RAP1GAP: variants seen among roughly 807,000 people sequenced by gnomAD.
RAP1GAP encodes rap1 GTPase-activating protein 1.
A neutral mutation model predicts 87.2 loss-of-function variants in RAP1GAP; 35 were observed. The observed-to-expected ratio is 0.40, with a 90% CI of 0.31 to 0.53. The LOEUF is 0.53. Ranked by LOEUF, RAP1GAP falls within the 20% of genes least tolerant of loss-of-function variation. The pLI, the probability that RAP1GAP is intolerant of heterozygous loss-of-function variation, is 0.48. For missense variants in RAP1GAP, 734 were observed against 898.9 expected, an observed-to-expected ratio of 0.82 and a Z score of 2.35; for synonymous variants, 375 against 363.9, an observed-to-expected ratio of 1.03 and a Z score of -0.35.
chr1:21,628,770 C>T (rs941557372), intron 2 of RAP1GAP, among the ~76,000 whole-genome samples: 2 of 152,024 alleles, frequency 1.3e-5, no homozygotes, highest in Admixed American at 1.3e-4. Context: ...CACCTATAAC[C>T]CCAGCTACTT....
intron 2 of RAP1GAP, among the ~76,000 whole-genome samples, chr1:21,646,910 G>A (rs577570972): frequency 6.6e-6 from 1 of 152,276 alleles, no homozygotes; most frequent in African/African-American, 2.4e-5. Context: ...GATGTGTAGG[G>A]GAACTCAGCC....
chr1:21,628,844 C>T (rs1245632664), intron 2 of RAP1GAP, among the ~76,000 whole-genome samples: 1 of 150,958 alleles, frequency 6.6e-6, no homozygotes, highest in African/African-American at 2.4e-5. Flanking sequence ...GCTGAGATCA[C>T]ACCACTGCAC....
At position 21,617,207 on chromosome 1, in the gene RAP1GAP, GCCCTGGCCCATGGGTTCTGCTCCCTC is replaced by G. The variant is rs889179660; in HGVS notation, c.291+73_291+98del. ...CTCAGGGCTCTAGGACTGTCACCCAGCCCTGGCCCATGGGTTCTGCTCCCTCCCAGGCCCACCTCGAATGGGGCTGA... is the reference window on the plus strand; with the variant it reads ...CTCAGGGCTCTAGGACTGTCACCCAGCCAGGCCCACCTCGAATGGGGCTGA... On this transcript the variant is annotated intron_variant, in intron 7 of 24. Coordinates refer to ENST00000374765, the MANE Select transcript of RAP1GAP (RefSeq NM_002885.4). 3 of 1,367,658 alleles carry G rather than the reference GCCCTGGCCCATGGGTTCTGCTCCCTC, an allele frequency of 2.2e-6. No homozygotes were observed. In the African/African-American group the frequency reaches 4.3e-5, roughly 20 times the overall value. 84.7% of individuals were successfully genotyped at this position (1,367,658 alleles called of 1,614,324 possible). A position where few individuals can be genotyped will look rare whatever the true frequency, so the allele number is the denominator to read the frequency against.
rs531368994 is a variant in RAP1GAP at position 21,658,864 on chromosome 1, T to G, written c.-148-9068A>C. On this transcript the variant is annotated intron_variant, in intron 1 of 24. Coordinates refer to ENST00000374765, the MANE Select transcript of RAP1GAP (RefSeq NM_002885.4). ...GGGCCTTTTTCATCTCTTATGCCAG[T>G]ATATAGTTGGTTTTTGAAGTCAGGT... Among the ~76,000 whole-genome samples the G allele has an allele frequency of 2.0e-5, 3 of 151,372 alleles. No homozygotes were observed. In the South Asian group the frequency reaches 6.3e-4, roughly 32 times the overall value.
chr1:21,613,533 C>T lies in RAP1GAP; in HGVS notation c.474+95G>A. 2 of 1,209,046 alleles carry T rather than the reference C, an allele frequency of 1.7e-6. No individual in the cohort carries two copies. The highest frequency in any genetic ancestry group is 2.5e-6 in the Non-Finnish European group (2 of 816,258). 74.9% of individuals were successfully genotyped at this position (1,209,046 alleles called of 1,614,324 possible). ...TAGGGCGGCAGGCCAGGGCTAGGGC[C>T]TACAGCTGAAGGGGACGCGCCAAGG... On this transcript the variant is annotated intron_variant, in intron 9 of 24. Transcript: ENST00000374765. This position sits in a 1 kb window ranked among gnomAD's most constrained non-coding sequence, Gnocchi z 4.7.
chr1:21,666,064 G>A lies in RAP1GAP; in HGVS notation c.-149+3190C>T, dbSNP rs558464164. Reference sequence around the variant, plus strand: ...AAGAGGCAGGGCCAGGCTTGGACAGGGAATCAGCACTCTGGCAGGCTTGGT... The same window carrying A: ...AAGAGGCAGGGCCAGGCTTGGACAGAGAATCAGCACTCTGGCAGGCTTGGT... On this transcript the variant is annotated intron_variant, in intron 1 of 24. Coordinates refer to ENST00000374765, the MANE Select transcript of RAP1GAP (RefSeq NM_002885.4). Among the ~76,000 whole-genome samples, 29 of 152,356 alleles carry A rather than the reference G, an allele frequency of 1.9e-4. No individual in the cohort carries two copies. The South Asian group carries it at 2.3e-3, about 12-fold the overall frequency.
rs775082306 is a variant in RAP1GAP at position 21,620,009 on chromosome 1, C to A, written c.18+6G>T. 1.2e-6 allele frequency: 2 copies of A among 1,613,972 alleles called. No individual in the cohort carries two copies. Among genetic ancestry groups the A allele is most frequent in the South Asian group, 1.1e-5 (1 of 91,082 alleles). On this transcript the variant is annotated splice_donor_region_variant and intron_variant, in intron 4 of 24. Transcript: ENST00000374765. The stretch of plus-strand genomic sequence containing the variant: ...TCCCCAGAACAGGCCACAGAGCCAT[C>A]CTCACCTGCATCTTCTCAATCATCT...
At chr1:21,664,024 A>T (rs985114431) in intron 1 of RAP1GAP, among the ~76,000 whole-genome samples, 21 of 152,192 alleles carry the variant, frequency 1.4e-4, no homozygotes, top group Non-Finnish European at 5.9e-5. Flanking sequence ...ACATCCTCCC[A>T]TTCCACAGAT....
At chr1:21,654,860 G>T (rs998205550) in intron 1 of RAP1GAP, among the ~76,000 whole-genome samples, 2 of 136,042 alleles carry the variant, frequency 1.5e-5, no homozygotes, top group African/African-American at 5.6e-5. Context: ...AAAAAGAAAG[G>T]CTAGGCACGG....
In RAP1GAP at chr1:21,660,349, T is replaced by TATATATATATATATATATGTA. The variant is rs1257256841; in HGVS notation, c.-149+8904_-149+8905insTACATATATATATATATATAT. 1.6e-4 allele frequency among the ~76,000 whole-genome samples: 10 copies of TATATATATATATATATATGTA among 64,328 alleles called. 3 individuals carry two copies. Among genetic ancestry groups the TATATATATATATATATATGTA allele is most frequent in the Non-Finnish European group, 3.3e-4 (10 of 30,288 alleles). The allele number at this position is 64,328 out of a possible 152,430, so 42.2% of individuals were successfully genotyped here. On this transcript the variant is annotated intron_variant, in intron 1 of 24. Transcript: ENST00000374765. Reference sequence around the variant, plus strand: ...TGGGTTCCAACTCAGCTATATATATTTATTGAGACAGTCTCGCTCTGTCAC... The same window carrying TATATATATATATATATATGTA: ...TGGGTTCCAACTCAGCTATATATATTATATATATATATATATATGTATATTGAGACAGTCTCGCTCTGTCAC...
Position 21,609,488 on chromosome 1 carries a change from G to T in RAP1GAP, c.1071+87C>A. 1 of 761,524 alleles carries T rather than the reference G, an allele frequency of 1.3e-6. No homozygotes were observed. Among genetic ancestry groups the T allele is most frequent in the Non-Finnish European group, 2.0e-6 (1 of 507,146 alleles). The allele number at this position is 761,524 out of a possible 1,614,324, so 47.2% of individuals were successfully genotyped here. Reference sequence around the variant, plus strand: ...TGCCCTGGCATACAATGAGACTTTGGGACCTCATAAGGCAGAATGTGTATG... The same window carrying T: ...TGCCCTGGCATACAATGAGACTTTGTGACCTCATAAGGCAGAATGTGTATG... On this transcript the variant is annotated intron_variant, in intron 15 of 24. Transcript: ENST00000374765. The surrounding 1 kb of genome is among the most constrained non-coding windows in gnomAD (Gnocchi z 4.4).
rs1013031611 is a variant in RAP1GAP, at chr1:21,649,773, C to T, written c.-125G>A. The T allele has an allele frequency of 1.4e-5, 21 of 1,552,344 alleles. No homozygotes were observed. The highest frequency in any genetic ancestry group is 1.7e-4 in the Middle Eastern group (1 of 6,012). ...CCCCAGTACTCACCACACACTCCGG[C>T]GAGAAGTGAAGGACTTGTCCACCCT... On this transcript the variant is annotated 5_prime_UTR_variant, in exon 2 of 25. Coordinates refer to ENST00000374765, the MANE Select transcript of RAP1GAP (RefSeq NM_002885.4).
chr1:21,617,962 T>C lies in RAP1GAP; in HGVS notation c.77A>G (p.Asp26Gly). The change falls in exon 6 of 25, where the codon GAC (aspartate) becomes GGC (glycine). Residue 26 changes from aspartate (D) to glycine (G), a missense_variant. This residue lies in a region of RAP1GAP where 485 missense variants were observed against 646.2 expected (regional missense o/e 0.75). Transcript: ENST00000374765. ...GTGCACGCTCGGGTATGGAATGTAG[T>C]CCTCCTCTGTCTGCAAAACACAAAC... Reference protein sequence around the residue: ...SFPPPLKTEEDYIPYPSVHEV... With the variant: ...SFPPPLKTEEGYIPYPSVHEV... 1 of 1,614,084 alleles carries C rather than the reference T, an allele frequency of 6.2e-7. No individual in the cohort carries two copies. The highest frequency in any genetic ancestry group is 2.2e-5 in the East Asian group (1 of 44,874).
chr1:21,625,263 T>G (rs1309482261), intron 3 of RAP1GAP, among the ~76,000 whole-genome samples: 1 of 152,232 alleles, frequency 6.6e-6, no homozygotes, highest in African/African-American at 2.4e-5. Flanking sequence ...TGGTGGATTT[T>G]GCCTCTGCTA....
At position 21,613,121 on chromosome 1, in the gene RAP1GAP, C is replaced by G. The variant is rs2079489543; in HGVS notation, c.528+55G>C. 2.0e-6 allele frequency: 3 copies of G among 1,494,260 alleles called. No homozygotes were observed. In the African/African-American group the frequency reaches 4.2e-5, roughly 21 times the overall value. The allele number at this position is 1,494,260 out of a possible 1,614,324, so 92.6% of individuals were successfully genotyped here. On this transcript the variant is annotated intron_variant, in intron 10 of 24. Coordinates refer to ENST00000374765, the MANE Select transcript of RAP1GAP (RefSeq NM_002885.4). This position sits in a 1 kb window ranked among gnomAD's most constrained non-coding sequence, Gnocchi z 4.7. Reference sequence around the variant, plus strand: ...ACACAGAAGGTGCTTAATAAATGCTCAGTCTTCCAGTTACTCACCCACCCT... The same window carrying G: ...ACACAGAAGGTGCTTAATAAATGCTGAGTCTTCCAGTTACTCACCCACCCT...
rs1034589269 is a variant in RAP1GAP, at chr1:21,641,649, G to A, written c.-113+8112C>T. On this transcript the variant is annotated intron_variant, in intron 2 of 24. Transcript: ENST00000374765. ...CTCCGTAAGTATTTGTTGAATTAAC[G>A]AGTGGCTAATGGAAGCCCTGAAAGA... Among the ~76,000 whole-genome samples, 19 of 152,304 alleles carry A rather than the reference G, an allele frequency of 1.2e-4. No individual in the cohort carries two copies. The South Asian group carries it at 1.7e-3, about 13-fold the overall frequency.
chr1:21,612,344 C>G (rs1048459636), intron 10 of RAP1GAP, among the ~76,000 whole-genome samples: 1 of 152,104 alleles, frequency 6.6e-6, no homozygotes, highest in East Asian at 1.9e-4. Flanking sequence ...GGGATTTGAC[C>G]CCAGGTCTGT....
intron 2 of RAP1GAP, among the ~76,000 whole-genome samples, chr1:21,637,992 A>AC (rs1553475352): frequency 6.7e-6 from 1 of 148,476 alleles, no homozygotes; most frequent in Admixed American, 6.7e-5. Flanking sequence ...AAAAAAAAAA[A>AC]CCACAAAAAT....
rs2079453045 is a variant in RAP1GAP, at chr1:21,613,090, T to A, written c.528+86A>T. The A allele has an allele frequency of 1.5e-6, 2 of 1,360,112 alleles. No individual in the cohort carries two copies. Among genetic ancestry groups the A allele is most frequent in the Admixed American group, 3.5e-5 (2 of 57,934 alleles). The allele number at this position is 1,360,112 out of a possible 1,614,324, so 84.3% of individuals were successfully genotyped here. A position where few individuals can be genotyped will look rare whatever the true frequency, so the allele number is the denominator to read the frequency against. On this transcript the variant is annotated intron_variant, in intron 10 of 24. Transcript: ENST00000374765. This position sits in a 1 kb window ranked among gnomAD's most constrained non-coding sequence, Gnocchi z 4.7. The stretch of plus-strand genomic sequence containing the variant: ...TAAATGAGAGAACCTTGGGAAAGTA[T>A]CTGGCACACAGAAGGTGCTTAATAA...
Sources: allele counts gnomAD v4.1 joint callset (sites outside exome capture counted in the v4.1 genomes callset), GRCh38; gene constraint gnomAD v4.1.1; regional missense constraint gnomAD v4.1.1; non-coding constraint Gnocchi (gnomAD v3.1); transcripts MANE v1.5; gene names NCBI Gene and HGNC (gene_info 2026-07-23, HGNC 2026-07-21).